Variants in WNT2 observed in about 807,000 individuals in gnomAD.
WNT2 encodes protein Wnt-2.
In WNT2, 12 loss-of-function variants were observed where a neutral mutation model predicts 36.9. The ratio of observed to expected loss-of-function variants is 0.33; its 90% confidence interval spans 0.21 to 0.53. WNT2 has a LOEUF of 0.53. Among genes scored for constraint, WNT2 ranks in the 20% least tolerant of loss-of-function variants. The probability of loss-of-function intolerance (pLI) is 0.95; values close to 1 mark genes in which losing one functional copy is unlikely to be tolerated. For synonymous variants in WNT2, 163 were observed against 174.6 expected, an observed-to-expected ratio of 0.93 and a Z score of 0.52; for missense variants, 379 against 473.1, an observed-to-expected ratio of 0.80 and a Z score of 1.84.
rs76213441 is a variant in WNT2, at chr7:117,278,007, C to A, written c.*148G>T. ...AGCGTGTGGCCCCCCCATCCTGGGG[C>A]CCCCAGGGAGGAAGAGGGGGCTTCC... On this transcript the variant is annotated 3_prime_UTR_variant, in exon 5 of 5. Transcript: ENST00000265441. 2.3e-6 allele frequency: 2 copies of A among 860,434 alleles called. No individual in the cohort carries two copies. The highest frequency in any genetic ancestry group is 3.6e-6 in the Non-Finnish European group (2 of 561,938). The allele number at this position is 860,434 out of a possible 1,614,324, so 53.3% of individuals were successfully genotyped here. A position where few individuals can be genotyped will look rare whatever the true frequency, so the allele number is the denominator to read the frequency against.
chr7:117,320,822 A>C, intron 1 of WNT2, 29 bp from the exon 2 acceptor site: 5 of 1,576,176 alleles, frequency 3.2e-6, no homozygotes, highest in Non-Finnish European at 4.3e-6. Flanking sequence ...CACAGAGGTG[A>C]GGGCAACGTG....
chr7:117,315,279 C>T lies in WNT2; in HGVS notation c.380G>A (p.Cys127Tyr), dbSNP rs1312619047. Residue 127 changes from cysteine (C) to tyrosine (Y), a missense_variant, in exon 3 of 5, where the codon TGT (cysteine) becomes TAT (tyrosine). Physicochemically the swap from Cys to Tyr is radical, Grantham distance 194. Coordinates refer to ENST00000265441, the MANE Select transcript of WNT2 (RefSeq NM_003391.3). ...AGVVFAITRA[C>Y]SQGEVKSCSC... ...ACAGGATTTTACTTCTCCTTGGCTA[C>T]AGGCCCTGGTGATGGCAAATACAAC... 3 of 1,614,090 alleles carry T rather than the reference C, an allele frequency of 1.9e-6. No individual in the cohort carries two copies. The highest frequency in any genetic ancestry group is 1.7e-6 in the Non-Finnish European group (2 of 1,180,026).
intron 3 of WNT2, among the ~76,000 whole-genome samples, chr7:117,304,467 ACT>A (rs1794977007): frequency 8.2e-6 from 1 of 122,406 alleles, no homozygotes; most frequent in African/African-American, 3.2e-5. Flanking sequence ...ACAGAGTTTC[ACT>A]CTTGTTGGCC....
chr7:117,282,738 C>A (rs1794512327), intron 4 of WNT2, among the ~76,000 whole-genome samples: 1 of 152,096 alleles, frequency 6.6e-6, no homozygotes, highest in African/African-American at 2.4e-5. Context: ...CACAAAAGGG[C>A]AACATGTTCT....
intron 2 of WNT2, 120 bp downstream of exon 2, chr7:117,320,447 A>G (rs1795301193): frequency 5.9e-6 from 6 of 1,024,788 alleles, no homozygotes; most frequent in African/African-American, 1.6e-5. Context: ...ATGACGCCCA[A>G]CTGAACAAAC....
At chr7:117,312,526 A>G (rs1795140738) in intron 3 of WNT2, among the ~76,000 whole-genome samples, 3 of 152,246 alleles carry the variant, frequency 2.0e-5, no homozygotes. Flanking sequence ...TTTTTATAGC[A>G]TGGTTTCTTT....
In WNT2 at chr7:117,317,510, A is replaced by AT. The variant is rs1289533902; in HGVS notation, c.311-2163_311-2162insA. On this transcript the variant is annotated intron_variant, in intron 2 of 4. Transcript: ENST00000265441. ...CCAGATGGTTTGGTACCATGTAGAT[A>AT]ATAGCCCTAAAATGTTTTCAGTTAC... is the stretch of plus-strand genomic sequence containing the variant. 1.8e-4 allele frequency among the ~76,000 whole-genome samples: 8 copies of AT among 44,528 alleles called. No individual in the cohort carries two copies. The Admixed American group carries it at 1.9e-3, about 11-fold the overall frequency. The allele number at this position is 44,528 out of a possible 152,430, so 29.2% of individuals were successfully genotyped here.
intron 2 of WNT2, 27 bp from the exon 3 acceptor site, chr7:117,315,375 G>A (rs1434420277): frequency 1.3e-5 from 21 of 1,602,292 alleles, no homozygotes; most frequent in Non-Finnish European, 1.7e-5. Context: ...TTTCTTAAAA[G>A]TGGTCCGGTA....
chr7:117,315,935 C>G (rs576149459), intron 2 of WNT2, among the ~76,000 whole-genome samples: 1 of 152,228 alleles, frequency 6.6e-6, no homozygotes, highest in African/African-American at 2.4e-5. Flanking sequence ...TGCATTAACA[C>G]TGGAGAGCTT....
chr7:117,319,170 A>G (rs369980702), intron 2 of WNT2, among the ~76,000 whole-genome samples: 49 of 152,358 alleles, frequency 3.2e-4, no homozygotes, highest in African/African-American at 1.1e-3. Flanking sequence ...CTCTTTAACA[A>G]GGTCCAGTTT....
chr7:117,314,698 C>A (rs549518094), intron 3 of WNT2, among the ~76,000 whole-genome samples: 3 of 148,398 alleles, frequency 2.0e-5, no homozygotes, highest in African/African-American at 7.4e-5. Flanking sequence ...TGGGTCTAAT[C>A]TTTATATCCC....
intron 4 of WNT2, among the ~76,000 whole-genome samples, chr7:117,287,598 GTCTTATGCTTTCT>G (rs67663698): frequency 0.011 from 1,730 of 152,206 alleles, 35 homozygotes; most frequent in African/African-American, 0.04. Context: ...CAGGGGTTGG[GTCTTATGCTTTCT>G]TCTTATGCTT....
chr7:117,320,687 C>T lies in WNT2; in HGVS notation c.190G>A (p.Ala64Thr). ...CACTCGGCCACGCCCTGGCTAATGG[C>T]ACGCATCACATCTGGATGTCGGTGA... ...LCHRHPDVMR[A>T]ISQGVAEWTA... Residue 64 changes from alanine to threonine, a missense_variant, in exon 2 of 5, where the codon GCC becomes ACC. Coordinates refer to ENST00000265441, the MANE Select transcript of WNT2 (RefSeq NM_003391.3). 1.2e-6 allele frequency: 2 copies of T among 1,613,992 alleles called. No individual in the cohort carries two copies. Among genetic ancestry groups the T allele is most frequent in the Non-Finnish European group, 1.7e-6 (2 of 1,179,968 alleles).
In WNT2 at chr7:117,275,958, A is replaced by C. The variant is rs887574; in HGVS notation, c.*2197T>G. 0.79 allele frequency among the ~76,000 whole-genome samples: 119,990 copies of C among 152,132 alleles called. 47,664 individuals are homozygous for C. Among genetic ancestry groups the C allele is most frequent in the East Asian group, 0.98 (5,073 of 5,174 alleles). On this transcript the variant is annotated 3_prime_UTR_variant, in exon 5 of 5. Transcript: ENST00000265441. ...TAAAAAGAATGTCAGATCTAAACAT[A>C]CCAGGCATAAAAAAAGTAGCAAACA... is the stretch of plus-strand genomic sequence containing the variant.
In WNT2 at chr7:117,284,219, G is replaced by T. The variant is rs1412809684; in HGVS notation, c.854-5835C>A. ...GTGCAGAATCTATACAAAATCGCTG[G>T]CATTACTTTCCCCTTAATGAATTAC... On this transcript the variant is annotated intron_variant, in intron 4 of 4. Transcript: ENST00000265441. This position sits in a 1 kb window ranked among gnomAD's most constrained non-coding sequence, Gnocchi z 5.2. 6.6e-6 allele frequency among the ~76,000 whole-genome samples: 1 copy of T among 152,062 alleles called. No individual in the cohort carries two copies. Among genetic ancestry groups the T allele is most frequent in the Admixed American group, 6.5e-5 (1 of 15,274 alleles).
At chr7:117,287,982 C>T (rs766937909) in intron 4 of WNT2, among the ~76,000 whole-genome samples, 3 of 151,882 alleles carry the variant, frequency 2.0e-5, no homozygotes, top group African/African-American at 4.8e-5. Flanking sequence ...AGCAAGACTC[C>T]GTCTCAGGGA....
intron 3 of WNT2, among the ~76,000 whole-genome samples, chr7:117,305,650 G>C (rs1361896188): frequency 1.3e-5 from 2 of 152,202 alleles, no homozygotes; most frequent in African/African-American, 4.8e-5. Flanking sequence ...TTGCTTTCTG[G>C]TGAGTTGGCA....
rs1006427722 is a variant in WNT2, at chr7:117,315,288, G to C, written c.371C>G (p.Thr124Ser). ...ISSAGVVFAI[T>S]RACSQGEVKS... ...TACTTCTCCTTGGCTACAGGCCCTG[G>C]TGATGGCAAATACAACTCCAGCTGA... The change falls in exon 3 of 5, where the codon ACC (threonine) becomes AGC (serine). Residue 124 changes from threonine to serine, a missense_variant. Transcript: ENST00000265441. The C allele has an allele frequency of 1.9e-6, 3 of 1,614,186 alleles. No homozygotes were observed. The highest frequency in any genetic ancestry group is 4.5e-5 in the East Asian group (2 of 44,886).
chr7:117,312,672 G>T (rs926091208), intron 3 of WNT2, among the ~76,000 whole-genome samples: 1 of 152,130 alleles, frequency 6.6e-6, no homozygotes, highest in Admixed American at 6.5e-5. Flanking sequence ...CTCAATCAAG[G>T]ATGAGCATTT....
Sources: gnomAD v4.1 joint callset for allele counts (sites outside exome capture counted in the v4.1 genomes callset) on GRCh38, gnomAD v4.1.1 for gene constraint, Gnocchi (gnomAD v3.1) non-coding constraint, MANE v1.5 for transcripts, NCBI Gene and HGNC (gene_info 2026-07-23, HGNC 2026-07-21) for gene names.